The following ABCB4 variants were observed in gnomAD, a reference collection of about 807,000 sequenced individuals.
ABCB4 encodes ATP binding cassette subfamily B member 4.
Under a neutral mutation model 145.7 loss-of-function variants are expected in ABCB4, and 76 were observed. The ratio of observed to expected loss-of-function variants is 0.52; its 90% CI spans 0.43 to 0.63. The LOEUF is 0.63. Ranked by LOEUF, ABCB4 falls within the 30% of genes least tolerant of loss-of-function variation. The probability of loss-of-function intolerance (pLI) is 0.00; values close to 1 mark genes in which losing one functional copy is unlikely to be tolerated. For missense variants in ABCB4, 1,234 were observed against 1,553.1 expected, an observed-to-expected ratio of 0.79 and a Z score of 3.45; for synonymous variants, 517 against 566.8, an observed-to-expected ratio of 0.91 and a Z score of 1.25.
Position 87,439,713 on chromosome 7 carries a change from G to A in ABCB4, c.1685C>T (p.Ala562Val). Residue 562 changes from alanine (A) to valine (V), a missense_variant, in exon 14 of 28, where the codon GCA becomes GTA. This residue lies in a region of ABCB4 where 467 missense variants were observed against 632.8 expected (regional missense o/e 0.74). Coordinates refer to ENST00000649586, the MANE Select transcript of ABCB4 (RefSeq NM_000443.4). ...KILLLDEATS[A>V]LDTESEAEVQ... ...CTCAGCTTCACTTTCTGTGTCCAAT[G>A]CTGACGTGGCCTCATCCAGCAGAAG... 2 of 1,614,094 alleles carry A rather than the reference G, an allele frequency of 1.2e-6. No individual in the cohort carries two copies. The highest frequency in any genetic ancestry group is 8.5e-7 in the Non-Finnish European group (1 of 1,180,006).
chr7:87,434,749 A>G (rs1465741166), intron 14 of ABCB4, among the ~76,000 whole-genome samples: 1 of 152,164 alleles, frequency 6.6e-6, no homozygotes, highest in African/African-American at 2.4e-5. Context: ...TCCGTCTCAA[A>G]AAAAAAATTA....
At chr7:87,383,062 C>T in the ABCB4 span, among the ~76,000 whole-genome samples, 8 of 152,274 alleles carry the variant, frequency 5.3e-5, no homozygotes, top group East Asian at 9.6e-4. Flanking sequence ...GGTCAAATCA[C>T]GGTAATTGGG....
intron 18 of ABCB4, among the ~76,000 whole-genome samples, 160 bp from the exon 19 acceptor site, chr7:87,420,235 A>C (rs1809321405): frequency 6.6e-6 from 1 of 152,222 alleles, no homozygotes; most frequent in Non-Finnish European, 1.5e-5. Context: ...AGATGAATCA[A>C]GCATGCAACC....
the ABCB4 span, among the ~76,000 whole-genome samples, chr7:87,390,940 A>G: frequency 1.3e-5 from 2 of 152,182 alleles, no homozygotes; most frequent in African/African-American, 4.8e-5. Context: ...ATTTTTTGTG[A>G]TGCAGCTTAG....
chr7:87,384,271 C>T, the ABCB4 span, among the ~76,000 whole-genome samples: 1 of 152,192 alleles, frequency 6.6e-6, no homozygotes, highest in Admixed American at 6.5e-5. Context: ...ATGGCTCACA[C>T]CTGTAGTCCC....
At position 87,423,960 on chromosome 7, in the gene ABCB4, A is replaced by C; in HGVS notation, c.2157T>G (p.Ile719Met). The part of the protein sequence containing the change: ...PYFVVGTVCA[I>M]ANGGLQPAFS... ...ATGCCGGCTGAAGCCCCCCATTGGC[A>C]ATGGCACATACTGTTCCCACGACAA... Residue 719 changes from isoleucine (I) to methionine (M), a missense_variant, in exon 17 of 28, where the codon ATT (isoleucine) becomes ATG (methionine). Physicochemically the swap from Ile to Met is conservative, Grantham distance 10. Around this residue, in one of 7 missense-constraint regions of ABCB4, gnomAD observed 321 missense variants for 332.6 expected, o/e 0.97. Coordinates refer to ENST00000649586, the MANE Select transcript of ABCB4 (RefSeq NM_000443.4). 6.2e-7 allele frequency: 1 copy of C among 1,614,068 alleles called. No individual in the cohort carries two copies. The highest frequency in any genetic ancestry group is 8.5e-7 in the Non-Finnish European group (1 of 1,179,982).
chr7:87,437,848 T>C (rs1810712006), intron 14 of ABCB4, among the ~76,000 whole-genome samples: 1 of 152,132 alleles, frequency 6.6e-6, no homozygotes, highest in African/African-American at 2.4e-5. Context: ...CTTTAAAAAA[T>C]TATGAGTAGT....
At chr7:87,442,733 C>A (rs932048973) in intron 12 of ABCB4, among the ~76,000 whole-genome samples, 3 of 152,062 alleles carry the variant, frequency 2.0e-5, no homozygotes, top group African/African-American at 7.2e-5. Context: ...GGTGAAGGAT[C>A]TGTGAGTTCT....
Position 87,475,419 on chromosome 7 carries a change from C to T in ABCB4, c.47G>A (p.Ser16Asn), listed in dbSNP as rs752468885. Residue 16 changes from serine to asparagine, a missense_variant, in exon 2 of 28, where the codon AGC becomes AAC. Coordinates refer to ENST00000649586, the MANE Select transcript of ABCB4 (RefSeq NM_000443.4). Reference protein sequence around the residue: ...AKNGTAWRPTSAEGDFELGIS... With the variant: ...AKNGTAWRPTNAEGDFELGIS... ...GCCCAGTTCAAAGTCGCCCTCCGCGCTCGTGGGGCGCCAGGCTGTTCCGTT... is the reference window on the plus strand; with the variant it reads ...GCCCAGTTCAAAGTCGCCCTCCGCGTTCGTGGGGCGCCAGGCTGTTCCGTT... 2 of 1,614,240 alleles carry T rather than the reference C, an allele frequency of 1.2e-6. No individual in the cohort carries two copies. Among genetic ancestry groups the T allele is most frequent in the East Asian group, 4.5e-5 (2 of 44,872 alleles).
chr7:87,457,735 TAA>T (rs1335617127), intron 4 of ABCB4, among the ~76,000 whole-genome samples: 1 of 152,220 alleles, frequency 6.6e-6, no homozygotes, highest in African/African-American at 2.4e-5. Flanking sequence ...TTATAGAGGT[TAA>T]GAGACTTGCT....
chr7:87,463,172 G>C (rs928188456), intron 3 of ABCB4, among the ~76,000 whole-genome samples: 1 of 151,798 alleles, frequency 6.6e-6, no homozygotes, highest in Non-Finnish European at 1.5e-5. Context: ...AGGGATAAAG[G>C]TTTAAGAAAT....
At chr7:87,368,251 A>G in the ABCB4 span, among the ~76,000 whole-genome samples, 1 of 152,156 alleles carries the variant, frequency 6.6e-6, no homozygotes, top group Non-Finnish European at 1.5e-5. Context: ...CGCCAGGTTT[A>G]TTGTGAGGTA....
At chr7:87,375,768 A>G in the ABCB4 span, 1 of 1,611,500 alleles carries the variant, frequency 6.2e-7, no homozygotes, top group African/African-American at 1.3e-5. Context: ...TCTCTAACAA[A>G]CTCTTTTGAT....
chr7:87,460,793 G>A (rs762446689), intron 4 of ABCB4, among the ~76,000 whole-genome samples: 18 of 151,924 alleles, frequency 1.2e-4, no homozygotes, highest in South Asian at 2.1e-4. Context: ...TGGTGATTTC[G>A]TATTTTTTAT....
chr7:87,381,874 TA>T, the ABCB4 span: 13 of 1,422,798 alleles, frequency 9.1e-6, no homozygotes, highest in South Asian at 1.5e-4. Flanking sequence ...TAAGTTGACA[TA>T]AAGTATTCAG....
intron 9 of ABCB4, among the ~76,000 whole-genome samples, chr7:87,446,756 T>C (rs1377467005): frequency 2.0e-5 from 3 of 152,248 alleles, no homozygotes; most frequent in Admixed American, 1.3e-4. Context: ...CATCCATATT[T>C]GTTTATTCCT....
the ABCB4 span, among the ~76,000 whole-genome samples, chr7:87,374,160 G>A: frequency 6.6e-6 from 1 of 151,992 alleles, no homozygotes; most frequent in Non-Finnish European, 1.5e-5. Flanking sequence ...AAATCTTTGT[G>A]CTTTGAAATA....
intron 15 of ABCB4, among the ~76,000 whole-genome samples, chr7:87,427,172 C>T (rs929779681): frequency 6.6e-6 from 1 of 151,844 alleles, no homozygotes; most frequent in Non-Finnish European, 1.5e-5. Flanking sequence ...AATTTAAAGA[C>T]ACATTTTTCG....
intron 13 of ABCB4, 65 bp from the exon 14 acceptor site, chr7:87,439,902 A>T: frequency 1.3e-6 from 2 of 1,596,572 alleles, no homozygotes; most frequent in Non-Finnish European, 1.7e-6. Context: ...GGAATTCTAT[A>T]GAACTACATA....
Sources: gnomAD v4.1 joint callset for allele counts (sites outside exome capture counted in the v4.1 genomes callset) on GRCh38, gnomAD v4.1.1 for gene constraint, gnomAD v4.1.1 regional missense constraint, MANE v1.5 for transcripts, NCBI Gene and HGNC (gene_info 2026-07-23, HGNC 2026-07-21) for gene names.